The following PWWP3A variants were observed in gnomAD, a reference collection of about 807,000 sequenced individuals.
The protein encoded by PWWP3A is PWWP domain containing 3A, DNA repair factor.
In PWWP3A, 53 loss-of-function variants were observed where a neutral mutation model predicts 79.0. The ratio of observed to expected loss-of-function variants is 0.67; its 90% CI spans 0.54 to 0.84. The LOEUF is 0.84. Ranked by LOEUF, PWWP3A falls within the 40% of genes least tolerant of loss-of-function variation. The pLI, the probability that PWWP3A is intolerant of heterozygous loss-of-function variation, is 0.00. For missense variants in PWWP3A, 973 were observed against 948.0 expected (o/e 1.03, Z -0.35); for synonymous variants, 443 against 394.4 (o/e 1.12, Z -1.46).
rs1224223894 is a variant in PWWP3A, at chr19:1,367,224, G to A, written c.1422+4G>A. 1.9e-6 allele frequency: 3 copies of A among 1,611,570 alleles called. No individual in the cohort carries two copies. Among genetic ancestry groups the A allele is most frequent in the Non-Finnish European group, 2.5e-6 (3 of 1,178,580 alleles). On this transcript the variant is annotated splice_donor_region_variant and intron_variant, in intron 9 of 13. Transcript: ENST00000591337. ...TAAAGAGAAACAGACGCTTCTGGTA[G>A]GTGGATGATGTTTTGTGCTTGCTTT...
Position 1,370,735 on chromosome 19 carries a change from G to C in PWWP3A, c.1643G>C (p.Cys548Ser), listed in dbSNP as rs1285309985. The C allele has an allele frequency of 2.5e-5, 37 of 1,478,110 alleles. No individual in the cohort carries two copies. The highest frequency in any genetic ancestry group is 2.5e-4 in the Admixed American group (10 of 40,646). The allele number at this position is 1,478,110 out of a possible 1,614,324, so 91.6% of individuals were successfully genotyped here. ...AGCCCCGAGGAGCCCGTGGTGGGGT[G>C]CCCCCTGGGGCAGAGGCAGCCCTGC... is the stretch of plus-strand genomic sequence containing the variant. ...KGSPEEPVVG[C>S]PLGQRQPCRK... Residue 548 changes from cysteine to serine, a missense_variant, in exon 12 of 14, where the codon TGC (cysteine) becomes TCC (serine). Transcript: ENST00000591337.
In PWWP3A at chr19:1,360,551, T is replaced by C. The variant is rs1568931790; in HGVS notation, c.630T>C (p.Asn210=). 3 of 1,613,922 alleles carry C rather than the reference T, an allele frequency of 1.9e-6. No homozygotes were observed. Among genetic ancestry groups the C allele is most frequent in the African/African-American group, 1.3e-5 (1 of 74,870 alleles). Residue 210 remains asparagine, a synonymous_variant, in exon 5 of 14, where the codon AAT becomes AAC. Transcript: ENST00000591337. This position sits in a 1 kb window ranked among gnomAD's most constrained non-coding sequence, Gnocchi z 4.4. ...DESGSRIHHK[N]WTLASKRGGN... ...GTGGGTCCAGAATCCACCACAAAAA[T>C]TGGACTCTTGCAAGTAAGAGGGGAG...
At chr19:1,358,866 T>C (rs1424299186) in intron 4 of PWWP3A, 1 of 424,698 alleles carries the variant, frequency 2.4e-6, no homozygotes, top group Non-Finnish European at 4.6e-6. Context: ...GCCCAAGGTT[T>C]GAGAAGCAGT....
In PWWP3A at chr19:1,368,971, C is replaced by T. The variant is rs924066202; in HGVS notation, c.1423-294C>T. ...CCACCTGCGTTCAGATCAGCCCAAG[C>T]CATCGGGTCCCCGGTGCCCACCTGC... On this transcript the variant is annotated intron_variant, in intron 9 of 13. Transcript: ENST00000591337. The surrounding 1 kb of genome is among the most constrained non-coding windows in gnomAD (Gnocchi z 4.7). 2.9e-6 allele frequency: 1 copy of T among 339,778 alleles called. No individual in the cohort carries two copies. The highest frequency in any genetic ancestry group is 2.2e-5 in the African/African-American group (1 of 46,166). 21.0% of individuals were successfully genotyped at this position (339,778 alleles called of 1,614,324 possible).
At chr19:1,376,482 G>A (rs374785309) in intron 13 of PWWP3A, 37 bp from the exon 14 acceptor site, 25 of 1,603,614 alleles carry the variant, frequency 1.6e-5, no homozygotes, top group Non-Finnish European at 2.0e-5. Context: ...AACACACAAT[G>A]ATTAATTACT....
At chr19:1,363,128 C>T (rs1315518574) in intron 6 of PWWP3A, among the ~76,000 whole-genome samples, 2 of 152,242 alleles carry the variant, frequency 1.3e-5, no homozygotes, top group East Asian at 3.8e-4. Flanking sequence ...CGCAGGATGT[C>T]CCCGGCCAGG....
chr19:1,362,499 T>G, intron 6 of PWWP3A, 148 bp downstream of exon 6: 1 of 627,470 alleles, frequency 1.6e-6, no homozygotes, highest in Middle Eastern at 4.3e-4. Flanking sequence ...GGAAGGGACC[T>G]TCAGAAGTGT....
In PWWP3A at chr19:1,358,432, A is replaced by T. The variant is rs749041058; in HGVS notation, c.182A>T (p.Lys61Met). The change falls in exon 4 of 14, where the codon AAG (lysine) becomes ATG (methionine). Residue 61 changes from lysine to methionine, a missense_variant. Lys to Met is a moderately conservative substitution (Grantham distance 95, BLOSUM62 -1). Transcript: ENST00000591337. ...VKSTEVEILEKSQIEAIASSL... is the reference protein window; with the variant it reads ...VKSTEVEILEMSQIEAIASSL... The stretch of plus-strand genomic sequence containing the variant: ...AGCACTGAAGTTGAGATCCTAGAGA[A>T]GTCTCAAATTGAAGCCATTGCTTCC... 6.2e-7 allele frequency: 1 copy of T among 1,614,192 alleles called. No homozygotes were observed. The highest frequency in any genetic ancestry group is 1.1e-5 in the South Asian group (1 of 91,068).
In PWWP3A at chr19:1,376,608, T is replaced by C; in HGVS notation, c.*32T>C. 6.2e-7 allele frequency: 1 copy of C among 1,611,846 alleles called. No homozygotes were observed. Among genetic ancestry groups the C allele is most frequent in the Non-Finnish European group, 8.5e-7 (1 of 1,178,994 alleles). ...AGCCGGCTGTGCTGTCAGCGGGGCC[T>C]GGCGGTGGAAGCGCCTCCAGTGTGC... On this transcript the variant is annotated 3_prime_UTR_variant, in exon 14 of 14. Coordinates refer to ENST00000591337, the MANE Select transcript of PWWP3A (RefSeq NM_001369789.1).
chr19:1,367,198 G>A lies in PWWP3A; in HGVS notation c.1400G>A (p.Cys467Tyr). The A allele has an allele frequency of 6.2e-7, 1 of 1,613,206 alleles. No individual in the cohort carries two copies. The highest frequency in any genetic ancestry group is 8.5e-7 in the Non-Finnish European group (1 of 1,179,664). Residue 467 changes from cysteine to tyrosine, a missense_variant, in exon 9 of 14, where the codon TGT becomes TAT. Coordinates refer to ENST00000591337, the MANE Select transcript of PWWP3A (RefSeq NM_001369789.1). ...CTTAAAAGTTTAAAGCACTTTGATT[G>A]TAAAGAGAAACAGACGCTTCTGGTA... is the stretch of plus-strand genomic sequence containing the variant. ...VSLKSLKHFD[C>Y]KEKQTLLNQA...
At chr19:1,357,169 A>ATCT in intron 3 of PWWP3A, 75 bp downstream of exon 3, 1 of 1,126,262 alleles carries the variant, frequency 8.9e-7, no homozygotes, top group Non-Finnish European at 1.3e-6. Flanking sequence ...ACTCCCCCAA[A>ATCT]ACAGTTGAAG....
At chr19:1,362,221 A>G (rs780457744) in intron 5 of PWWP3A, 29 bp from the exon 6 acceptor site, 11 of 1,580,912 alleles carry the variant, frequency 7.0e-6, no homozygotes, top group Non-Finnish European at 8.6e-6. Flanking sequence ...TGCAATGACC[A>G]TGAAAGTCTA....
At position 1,375,548 on chromosome 19, in the gene PWWP3A, AAT is replaced by A. The variant is rs1209138930; in HGVS notation, c.2076-964_2076-963del. ...TATAATTTATATATTTTATATATAA[AAT>A]ATATATTATATATAAAATATATTAT... On this transcript the variant is annotated intron_variant, in intron 13 of 13. Transcript: ENST00000591337. 2.0e-3 allele frequency among the ~76,000 whole-genome samples: 228 copies of A among 113,660 alleles called. 2 individuals carry two copies. Among genetic ancestry groups the A allele is most frequent in the Non-Finnish European group, 3.3e-3 (187 of 56,458 alleles). The allele number at this position is 113,660 out of a possible 152,430, so 74.6% of individuals were successfully genotyped here. A position where few individuals can be genotyped will look rare whatever the true frequency, so the allele number is the denominator to read the frequency against.
chr19:1,374,194 T>A (rs2082318113), intron 13 of PWWP3A: 3 of 152,182 alleles, frequency 2.0e-5, no homozygotes, highest in Admixed American at 2.0e-4. Context: ...CTGATTTTTT[T>A]TTTTGAGTCT....
Position 1,370,827 on chromosome 19 carries a change from A to C in PWWP3A, c.1735A>C (p.Ile579Leu). 1 of 1,572,860 alleles carries C rather than the reference A, an allele frequency of 6.4e-7. No homozygotes were observed. Among genetic ancestry groups the C allele is most frequent in the Admixed American group, 1.9e-5 (1 of 53,680 alleles). Residue 579 changes from isoleucine (I) to leucine (L), a missense_variant, in exon 12 of 14, where the codon ATT (isoleucine) becomes CTT (leucine). Ile to Leu is a conservative substitution (Grantham distance 5). Coordinates refer to ENST00000591337, the MANE Select transcript of PWWP3A (RefSeq NM_001369789.1). ...GGCCAACCAGAAGCTGGTGGAGTAC[A>C]TTGTGAAGGCCAAGGGCGCGGAGAG... Reference protein sequence around the residue: ...DRANQKLVEYIVKAKGAESHL... With the variant: ...DRANQKLVEYLVKAKGAESHL...
chr19:1,356,525 AC>A (rs2081871919), intron 2 of PWWP3A, 76 bp downstream of exon 2: 1 of 1,391,902 alleles, frequency 7.2e-7, no homozygotes, highest in African/African-American at 1.4e-5. Flanking sequence ...ATCAGGAGAT[AC>A]CTAGGATTTG....
At chr19:1,363,636 T>C (rs2082067633) in intron 6 of PWWP3A, among the ~76,000 whole-genome samples, 1 of 152,214 alleles carries the variant, frequency 6.6e-6, no homozygotes, top group South Asian at 2.1e-4. Flanking sequence ...GGTTTTGTTT[T>C]CTACCTGTCA....
chr19:1,364,418 T>A (rs1370431560), intron 6 of PWWP3A, 91 bp from the exon 7 acceptor site: 1 of 904,378 alleles, frequency 1.1e-6, no homozygotes, highest in Non-Finnish European at 1.7e-6. Flanking sequence ...TCGTGCTAAC[T>A]GTGTTTTCTC....
rs1241315295 is a variant in PWWP3A at position 1,376,532 on chromosome 19, T to C, written c.2089T>C (p.Phe697Leu). Residue 697 changes from phenylalanine (F) to leucine (L), a missense_variant, in exon 14 of 14, where the codon TTT (phenylalanine) becomes CTT (leucine). By Grantham distance (22) the Phe-to-Leu change is conservative. Transcript: ENST00000591337. ...PSLSYREKEIFDNQLLEERNR... is the reference protein window; with the variant it reads ...PSLSYREKEILDNQLLEERNR... ...TGTTTTCTGAAGGGAAAAAGAAATATTTGACAACCAGCTCCTTGAAGAGCG... is the reference window on the plus strand; with the variant it reads ...TGTTTTCTGAAGGGAAAAAGAAATACTTGACAACCAGCTCCTTGAAGAGCG... 1 of 1,613,260 alleles carries C rather than the reference T, an allele frequency of 6.2e-7. No homozygotes were observed. Among genetic ancestry groups the C allele is most frequent in the Admixed American group, 1.7e-5 (1 of 59,944 alleles).
Sources: allele counts gnomAD v4.1 joint callset (sites outside exome capture counted in the v4.1 genomes callset), GRCh38; gene constraint gnomAD v4.1.1; non-coding constraint Gnocchi (gnomAD v3.1); transcripts MANE v1.5; gene names NCBI Gene and HGNC (gene_info 2026-07-23, HGNC 2026-07-21).